CFAP20DC: variants seen among roughly 807,000 people sequenced by gnomAD.
CFAP20DC encodes the protein protein CFAP20DC.
CFAP20DC carries 84 observed loss-of-function variants against 101.7 expected under a neutral mutation model. The observed-to-expected ratio is 0.83, with a 90% CI of 0.69 to 0.99. CFAP20DC has a LOEUF of 0.99. Among genes scored for constraint, CFAP20DC ranks in the 50% least tolerant of loss-of-function variants. The pLI is 0.00. For synonymous variants in CFAP20DC, 359 were observed against 351.2 expected (o/e 1.02, Z -0.25); for missense variants, 1,007 against 970.3 (o/e 1.04, Z -0.50).
chr3:58,938,329 A>G (rs577978775), intron 4 of CFAP20DC, among the ~76,000 whole-genome samples: 1 of 152,320 alleles, frequency 6.6e-6, no homozygotes, highest in East Asian at 1.9e-4. Flanking sequence ...TACCAAGGAC[A>G]CTGAATCTGA....
At chr3:58,926,748 G>A (rs1034246544) in intron 5 of CFAP20DC, among the ~76,000 whole-genome samples, 10 of 152,252 alleles carry the variant, frequency 6.6e-5, no homozygotes, top group Middle Eastern at 3.4e-3. Flanking sequence ...GGTTCAAGAT[G>A]GAATAGCTCC....
intron 4 of CFAP20DC, among the ~76,000 whole-genome samples, chr3:59,022,746 C>T (rs2093825976): frequency 1.3e-5 from 2 of 152,068 alleles, no homozygotes; most frequent in Middle Eastern, 3.4e-3. Context: ...AAACAAAGAT[C>T]ACTAATGTGT....
At chr3:58,954,015 T>G (rs574537072) in intron 4 of CFAP20DC, among the ~76,000 whole-genome samples, 1 of 152,276 alleles carries the variant, frequency 6.6e-6, no homozygotes, top group East Asian at 1.9e-4. Context: ...GACGGGAAAA[T>G]CAACCTCATT....
chr3:58,769,839 T>C (rs2070681104), intron 15 of CFAP20DC, among the ~76,000 whole-genome samples: 1 of 152,136 alleles, frequency 6.6e-6, no homozygotes, highest in African/African-American at 2.4e-5. Context: ...TATATGGAGG[T>C]ATGCAATAAA....
At chr3:58,814,036 T>G (rs577587370) in intron 14 of CFAP20DC, among the ~76,000 whole-genome samples, 2 of 152,018 alleles carry the variant, frequency 1.3e-5, no homozygotes, top group Admixed American at 6.6e-5. Context: ...ATAGAAATAC[T>G]CCCAATAACA....
chr3:58,992,177 C>CG, intron 4 of CFAP20DC, among the ~76,000 whole-genome samples: 1 of 152,170 alleles, frequency 6.6e-6, no homozygotes, highest in Non-Finnish European at 1.5e-5. Context: ...CAAACCCAAG[C>CG]AGTCTGATTC....
intron 6 of CFAP20DC, among the ~76,000 whole-genome samples, chr3:58,903,138 C>T (rs370621529): frequency 8.1e-4 from 123 of 152,226 alleles, no homozygotes; most frequent in Middle Eastern, 3.4e-3. Flanking sequence ...CTTTGATACA[C>T]AAAAGTTTTA....
rs2067590312 is a variant in CFAP20DC, at chr3:58,728,630, A to G, written c.198-11002T>C. Among the ~76,000 whole-genome samples, 1 of 152,182 alleles carries G rather than the reference A, an allele frequency of 6.6e-6. No homozygotes were observed. The highest frequency in any genetic ancestry group is 2.4e-5 in the African/African-American group (1 of 41,444). On this transcript the variant is annotated intron_variant, in intron 3 of 3. Transcript: ENST00000486145. The surrounding 1 kb of genome is among the most constrained non-coding windows in gnomAD (Gnocchi z 4.7). Reference sequence around the variant, plus strand: ...GTAACTTAAAAACATAAATGAATGAATGTCAGAGTTCCATTCATTTTAGGC... The same window carrying G: ...GTAACTTAAAAACATAAATGAATGAGTGTCAGAGTTCCATTCATTTTAGGC...
downstream of CFAP20DC, among the ~76,000 whole-genome samples, chr3:58,716,771 C>T (rs575308622): frequency 1.4e-4 from 22 of 152,220 alleles, no homozygotes; most frequent in African/African-American, 5.3e-4. Context: ...CACAGCAACT[C>T]CCTACTGGGG....
intron 14 of CFAP20DC, among the ~76,000 whole-genome samples, chr3:58,819,141 A>C (rs2075420964): frequency 6.8e-6 from 1 of 146,140 alleles, no homozygotes; most frequent in Admixed American, 6.8e-5. Flanking sequence ...CATTCAAAGC[A>C]ATGTGTAGAG....
At chr3:58,812,196 C>A (rs2074702077) in intron 14 of CFAP20DC, among the ~76,000 whole-genome samples, 1 of 152,086 alleles carries the variant, frequency 6.6e-6, no homozygotes, top group Admixed American at 6.6e-5. Context: ...CCAGCCATCC[C>A]ATTACTGGGT....
chr3:58,775,214 G>C (rs899622816), intron 15 of CFAP20DC, among the ~76,000 whole-genome samples: 1 of 152,222 alleles, frequency 6.6e-6, no homozygotes, highest in African/African-American at 2.4e-5. Flanking sequence ...CTAGAAGCAA[G>C]GAGGGGGCTT....
At chr3:58,725,026 A>G (rs2067529328) in intron 3 of CFAP20DC, among the ~76,000 whole-genome samples, 1 of 152,220 alleles carries the variant, frequency 6.6e-6, no homozygotes. Flanking sequence ...TGTTGATATT[A>G]ATGACAATTA....
At chr3:58,918,632 A>AC (rs1553723022) in intron 5 of CFAP20DC, among the ~76,000 whole-genome samples, 2 of 147,092 alleles carry the variant, frequency 1.4e-5, no homozygotes, top group African/African-American at 5.0e-5. Context: ...CACACAGTCT[A>AC]TTTTTTTTTT....
chr3:58,849,161 G>A lies in CFAP20DC; in HGVS notation c.1842C>T (p.Ser614=). 6.5e-7 allele frequency: 1 copy of A among 1,535,970 alleles called. No individual in the cohort carries two copies. The highest frequency in any genetic ancestry group is 8.7e-7 in the Non-Finnish European group (1 of 1,146,906). ...CLSPTGRRCG[S]CQKTPEPVIK... ...TTACGGGCTCTGGAGTTTTCTGACA[G>A]GACCCACACCTTCTTCCAGTTGGAG... The change falls in exon 13 of 17, where the codon TCC becomes TCT. Residue 614 remains serine (S), a synonymous_variant. Transcript: ENST00000482387.
Position 58,753,762 on chromosome 3 carries a change from G to A in CFAP20DC, c.2332+7C>T. 6.3e-7 allele frequency: 1 copy of A among 1,590,114 alleles called. No individual in the cohort carries two copies. The highest frequency in any genetic ancestry group is 1.3e-5 in the African/African-American group (1 of 74,392). ...TTTCTTATGCATATCGTTTTTCATAGTCCCACCTTGAACACTCAAACTTTC... is the reference window on the plus strand; with the variant it reads ...TTTCTTATGCATATCGTTTTTCATAATCCCACCTTGAACACTCAAACTTTC... On this transcript the variant is annotated splice_region_variant and intron_variant, in intron 16 of 16. Transcript: ENST00000482387.
chr3:58,855,715 C>T (rs1460608518), intron 12 of CFAP20DC, among the ~76,000 whole-genome samples: 1 of 151,560 alleles, frequency 6.6e-6, no homozygotes, highest in Non-Finnish European at 1.5e-5. Context: ...AATCATCATT[C>T]TCAGTAAACT....
chr3:58,871,691 G>A (rs2080237358), intron 7 of CFAP20DC, among the ~76,000 whole-genome samples: 1 of 152,020 alleles, frequency 6.6e-6, no homozygotes, highest in African/African-American at 2.4e-5. Context: ...ACCATGCCCA[G>A]CTAAGTTTTG....
intron 4 of CFAP20DC, among the ~76,000 whole-genome samples, chr3:58,939,071 T>C (rs2088128869): frequency 6.6e-6 from 1 of 152,184 alleles, no homozygotes; most frequent in Admixed American, 6.6e-5. Context: ...GGGAGTGATA[T>C]GCAACAATCC....
Sources: allele counts gnomAD v4.1 joint callset (sites outside exome capture counted in the v4.1 genomes callset), GRCh38; gene constraint gnomAD v4.1.1; non-coding constraint Gnocchi (gnomAD v3.1); transcripts MANE v1.5; gene names NCBI Gene and HGNC (gene_info 2026-07-23, HGNC 2026-07-21).